DLG2: variants seen among roughly 807,000 people sequenced by gnomAD.
DLG2 encodes disks large homolog 2.
Under a neutral mutation model 132.5 loss-of-function variants are expected in DLG2, and 45 were observed. The ratio of observed to expected loss-of-function variants is 0.34; its 90% CI spans 0.27 to 0.44. The LOEUF (loss-of-function observed/expected upper bound fraction) is 0.44, where lower values mean the gene tolerates loss of function less well. DLG2 is among the 20% of genes least tolerant of loss of function. The pLI, the probability that DLG2 is intolerant of heterozygous loss-of-function variation, is 1.00. For synonymous variants in DLG2, 424 were observed against 419.6 expected, an observed-to-expected ratio of 1.01 and a Z score of -0.13; for missense variants, 1,045 against 1,196.9, an observed-to-expected ratio of 0.87 and a Z score of 1.87.
At position 84,339,868 on chromosome 11, in the gene DLG2, CCAGAAAATAAAGTA is replaced by C. The variant is rs1241319214; in HGVS notation, c.520-88591_520-88578del. Reference sequence around the variant, plus strand: ...GTGAATAGTTTTGCTTTTTTGCTCTCCAGAAAATAAAGTACAGAAAAATAATCATGACGACTTTA... The same window carrying C: ...GTGAATAGTTTTGCTTTTTTGCTCTCCAGAAAAATAATCATGACGACTTTA... On this transcript the variant is annotated intron_variant, in intron 7 of 27. Coordinates refer to ENST00000376104, the MANE Select transcript of DLG2 (RefSeq NM_001142699.3). 3.9e-5 allele frequency among the ~76,000 whole-genome samples: 6 copies of C among 152,242 alleles called. No individual in the cohort carries two copies. In the East Asian group the frequency reaches 1.2e-3, roughly 29 times the overall value.
At chr11:84,958,363 G>A (rs1391351201) in intron 6 of DLG2, among the ~76,000 whole-genome samples, 1 of 152,176 alleles carries the variant, frequency 6.6e-6, no homozygotes. Flanking sequence ...TTACATGGAA[G>A]ACCAGCTCTG....
chr11:83,575,894 C>T (rs1165612797), intron 19 of DLG2, among the ~76,000 whole-genome samples: 4 of 151,840 alleles, frequency 2.6e-5, no homozygotes, highest in Non-Finnish European at 4.4e-5. Flanking sequence ...TATTACCAGG[C>T]ATAAAAAGAA....
At chr11:84,617,064 C>T (rs2154539957) in intron 6 of DLG2, among the ~76,000 whole-genome samples, 1 of 151,586 alleles carries the variant, frequency 6.6e-6, no homozygotes, top group Admixed American at 6.6e-5. Flanking sequence ...ATACACGTGC[C>T]ATGGTGGTTT....
In DLG2 at chr11:84,253,993, C is replaced by T. The variant is rs148725438; in HGVS notation, c.520-2702G>A. Among the ~76,000 whole-genome samples the T allele has an allele frequency of 6.6e-5, 10 of 152,114 alleles. No homozygotes were observed. In the East Asian group the frequency reaches 1.4e-3, roughly 21 times the overall value. Reference sequence around the variant, plus strand: ...ATGCCTAAGGATATTGCAGGTTAGACGTTGAACACAGTCTGGTGAAGCCTT... The same window carrying T: ...ATGCCTAAGGATATTGCAGGTTAGATGTTGAACACAGTCTGGTGAAGCCTT... On this transcript the variant is annotated intron_variant, in intron 7 of 27. Transcript: ENST00000376104.
chr11:83,576,319 C>A (rs1480203068), intron 19 of DLG2, among the ~76,000 whole-genome samples: 1 of 151,902 alleles, frequency 6.6e-6, no homozygotes, highest in African/African-American at 2.4e-5. Flanking sequence ...TTGGAGTTTC[C>A]AAAGTGTAGG....
chr11:84,497,622 T>C (rs977897214), intron 7 of DLG2, among the ~76,000 whole-genome samples: 1 of 152,172 alleles, frequency 6.6e-6, no homozygotes, highest in African/African-American at 2.4e-5. Flanking sequence ...TTATTTGTCC[T>C]CTGCATGGCT....
At chr11:84,737,814 G>C (rs1029853244) in intron 6 of DLG2, among the ~76,000 whole-genome samples, 2 of 151,974 alleles carry the variant, frequency 1.3e-5, no homozygotes, top group Non-Finnish European at 2.9e-5. Flanking sequence ...TACATATTGG[G>C]GGTAGATCAG....
intron 7 of DLG2, among the ~76,000 whole-genome samples, chr11:84,451,633 G>A (rs1306239048): frequency 6.6e-6 from 1 of 151,730 alleles, no homozygotes; most frequent in African/African-American, 2.4e-5. Flanking sequence ...TAATTTGAAT[G>A]TTACGATGCA....
intron 11 of DLG2, among the ~76,000 whole-genome samples, chr11:84,047,294 C>T (rs1544275): frequency 0.073 from 11,023 of 151,486 alleles, 481 homozygotes; most frequent in African/African-American, 0.12. Flanking sequence ...GTGCATATTT[C>T]CTTTTAAAAA....
intron 6 of DLG2, among the ~76,000 whole-genome samples, chr11:84,627,696 C>G (rs2099625130): frequency 1.3e-5 from 2 of 152,188 alleles, no homozygotes; most frequent in Non-Finnish European, 2.9e-5. Flanking sequence ...GTTTAATTGG[C>G]TTAAAGTTCT....
intron 7 of DLG2, among the ~76,000 whole-genome samples, chr11:84,271,709 A>G (rs924456690): frequency 1.3e-5 from 2 of 152,182 alleles, no homozygotes; most frequent in Non-Finnish European, 2.9e-5. Context: ...GACAACAACA[A>G]CACAAACAAA....
At chr11:84,392,437 A>G (rs2098795706) in intron 7 of DLG2, among the ~76,000 whole-genome samples, 2 of 152,222 alleles carry the variant, frequency 1.3e-5, no homozygotes, top group Admixed American at 1.3e-4. Context: ...TGACATTCAT[A>G]TGCCAATGGT....
At chr11:84,231,596 T>C (rs1173535545) in intron 8 of DLG2, among the ~76,000 whole-genome samples, 4 of 152,120 alleles carry the variant, frequency 2.6e-5, no homozygotes, top group Non-Finnish European at 5.9e-5. Flanking sequence ...CTGGGAGAAC[T>C]GTGTAGTGGA....
At chr11:84,483,961 C>T (rs536842453) in intron 7 of DLG2, among the ~76,000 whole-genome samples, 2 of 152,238 alleles carry the variant, frequency 1.3e-5, no homozygotes, top group Admixed American at 1.3e-4. Context: ...ATTCTATTGG[C>T]CTTACCAATA....
At chr11:83,696,795 A>G (rs943895606) in intron 18 of DLG2, among the ~76,000 whole-genome samples, 1 of 152,216 alleles carries the variant, frequency 6.6e-6, no homozygotes, top group African/African-American at 2.4e-5. Flanking sequence ...ATGGTCCCTA[A>G]CATGAAGGAC....
chr11:85,549,436 C>T (rs1352519796), intron 3 of DLG2, among the ~76,000 whole-genome samples: 1 of 152,160 alleles, frequency 6.6e-6, no homozygotes, highest in East Asian at 1.9e-4. Context: ...GCCATCTTGC[C>T]AGCCAATTCT....
intron 18 of DLG2, among the ~76,000 whole-genome samples, chr11:83,732,173 A>G (rs2091136775): frequency 6.6e-6 from 1 of 152,150 alleles, no homozygotes; most frequent in South Asian, 2.1e-4. Flanking sequence ...GTGTTTTTGG[A>G]TGTGATTCCA....
chr11:84,754,090 G>A (rs1433480603), intron 6 of DLG2, among the ~76,000 whole-genome samples: 1 of 152,160 alleles, frequency 6.6e-6, no homozygotes, highest in East Asian at 1.9e-4. Flanking sequence ...ATAACCTTGA[G>A]TATAGACTAC....
intron 6 of DLG2, among the ~76,000 whole-genome samples, chr11:85,105,668 A>G (rs1359141279): frequency 6.6e-6 from 1 of 151,980 alleles, no homozygotes; most frequent in Non-Finnish European, 1.5e-5. Context: ...AGCTATGATT[A>G]TCTGATAATA....
Sources: allele counts gnomAD v4.1 joint callset (sites outside exome capture counted in the v4.1 genomes callset), GRCh38; gene constraint gnomAD v4.1.1; transcripts MANE v1.5; gene names NCBI Gene and HGNC (gene_info 2026-07-23, HGNC 2026-07-21).